KIAA0232: variants seen among roughly 807,000 people sequenced by gnomAD.
KIAA0232 encodes the protein KIAA0232, also known as uncharacterized protein KIAA0232.
Under a neutral mutation model 122.0 loss-of-function variants are expected in KIAA0232, and 27 were observed. The observed-to-expected ratio is 0.22, with a 90% confidence interval of 0.16 to 0.31. The LOEUF (loss-of-function observed/expected upper bound fraction) is 0.31. Ranked by LOEUF, KIAA0232 falls within the 10% of genes least tolerant of loss-of-function variation. The pLI is 1.00. For missense variants in KIAA0232, 1,551 were observed against 1,634.2 expected (o/e 0.95, Z 0.88); for synonymous variants, 613 against 587.6 (o/e 1.04, Z -0.63).
chr4:6,851,819 T>C (rs1440781763), intron 4 of KIAA0232, among the ~76,000 whole-genome samples: 1 of 151,704 alleles, frequency 6.6e-6, no homozygotes, highest in South Asian at 2.1e-4. Context: ...CAAGTTGAAG[T>C]ATTTTCCTCT....
intron 4 of KIAA0232, among the ~76,000 whole-genome samples, chr4:6,850,774 G>A (rs1017707960): frequency 8.0e-4 from 121 of 151,844 alleles, no homozygotes; most frequent in African/African-American, 2.7e-3. Flanking sequence ...GGGTTCAAGC[G>A]ATTCTCTGCC....
At chr4:6,794,574 G>A (rs747574947) in intron 1 of KIAA0232, among the ~76,000 whole-genome samples, 6 of 152,216 alleles carry the variant, frequency 3.9e-5, no homozygotes, top group African/African-American at 4.8e-5. Flanking sequence ...GTGTTGCATC[G>A]TATGTGGTGG....
At chr4:6,843,998 G>T (rs1278270151) in intron 4 of KIAA0232, among the ~76,000 whole-genome samples, 2 of 133,094 alleles carry the variant, frequency 1.5e-5, no homozygotes, top group Non-Finnish European at 3.1e-5. Context: ...GAAGTGCAGT[G>T]GCGCCATCTC....
chr4:6,815,255 C>G (rs1486855665), intron 2 of KIAA0232, among the ~76,000 whole-genome samples: 10 of 152,120 alleles, frequency 6.6e-5, no homozygotes, highest in African/African-American at 1.9e-4. Flanking sequence ...TTGTCAAAAC[C>G]AGCACTGACC....
intron 6 of KIAA0232, among the ~76,000 whole-genome samples, chr4:6,860,510 G>A (rs1228621988): frequency 2.0e-5 from 3 of 152,204 alleles, no homozygotes; most frequent in Admixed American, 2.0e-4. Context: ...AGTAAATAAT[G>A]AGCTTAAAGT....
intron 8 of KIAA0232, among the ~76,000 whole-genome samples, chr4:6,874,554 C>T (rs1175864609): frequency 6.6e-6 from 1 of 152,126 alleles, no homozygotes; most frequent in Admixed American, 6.5e-5. Flanking sequence ...TTTCAAGACT[C>T]GAGTAATGTA....
chr4:6,817,321 A>T (rs58838274), intron 2 of KIAA0232, among the ~76,000 whole-genome samples: 19 of 152,222 alleles, frequency 1.2e-4, no homozygotes, highest in Non-Finnish European at 2.4e-4. Flanking sequence ...GGTTCAAGTG[A>T]TTCTTTCACC....
At chr4:6,836,334 T>G (rs1719267145) in intron 3 of KIAA0232, among the ~76,000 whole-genome samples, 1 of 151,382 alleles carries the variant, frequency 6.6e-6, no homozygotes, top group Admixed American at 6.6e-5. Context: ...GTTTTTTGTT[T>G]TGTTTTTTTT....
In KIAA0232 at chr4:6,862,813, T is replaced by G. The variant is rs777434220; in HGVS notation, c.2431T>G (p.Cys811Gly). 1 of 1,614,154 alleles carries G rather than the reference T, an allele frequency of 6.2e-7. No homozygotes were observed. The highest frequency in any genetic ancestry group is 1.1e-5 in the South Asian group (1 of 91,074). ...CAAAAATTTTGAAACTACACAAGTA[T>G]GTAATGAAAGTCCACATGGAGATGG... ...ENKNFETTQV[C>G]NESPHGDGYS... The change falls in exon 7 of 10, where the codon TGT (cysteine) becomes GGT (glycine). Residue 811 changes from cysteine (C) to glycine (G), a missense_variant. Coordinates refer to ENST00000307659, the MANE Select transcript of KIAA0232 (RefSeq NM_014743.3).
intron 1 of KIAA0232, among the ~76,000 whole-genome samples, chr4:6,800,043 CTTTTTTTTTTTTTTTTTTTTTT>C (rs752428517): frequency 1.2e-4 from 7 of 60,040 alleles, no homozygotes; most frequent in East Asian, 3.2e-4. Flanking sequence ...TTCTTTCTTT[CTTTTTTTTTTTTTTTTTTTTTT>C]TTTTTTTTTT....
intron 2 of KIAA0232, among the ~76,000 whole-genome samples, chr4:6,812,521 A>G (rs1717924469): frequency 6.6e-6 from 1 of 152,220 alleles, no homozygotes; most frequent in Non-Finnish European, 1.5e-5. Context: ...ATGCAAAGGA[A>G]AAAACACTAG....
rs1720893464 is a variant in KIAA0232 at position 6,861,961 on chromosome 4, A to G, written c.1579A>G (p.Met527Val). ...SMLDPGASETMQGESRILNMI... is the reference protein window; with the variant it reads ...SMLDPGASETVQGESRILNMI... ...GTTGGATCCTGGTGCCTCAGAAACA[A>G]TGCAAGGAGAAAGTCGGATTTTGAA... Residue 527 changes from methionine to valine, a missense_variant, in exon 7 of 10, where the codon ATG becomes GTG. Met to Val is a conservative substitution (Grantham distance 21). This residue lies in a region of KIAA0232 where 1,108 missense variants were observed against 1,154.8 expected (regional missense o/e 0.96). Transcript: ENST00000307659. 2 of 1,614,168 alleles carry G rather than the reference A, an allele frequency of 1.2e-6. No homozygotes were observed. The highest frequency in any genetic ancestry group is 2.2e-5 in the South Asian group (2 of 91,086).
chr4:6,851,777 A>T (rs544414290), intron 4 of KIAA0232, among the ~76,000 whole-genome samples: 23 of 151,546 alleles, frequency 1.5e-4, no homozygotes, highest in Non-Finnish European at 3.1e-4. Context: ...GTAAGGTGCT[A>T]TAATGAACTA....
In KIAA0232 at chr4:6,861,167, G is replaced by C; in HGVS notation, c.785G>C (p.Gly262Ala). The change falls in exon 7 of 10, where the codon GGC becomes GCC. Residue 262 changes from glycine (G) to alanine (A), a missense_variant. Gly to Ala is a moderately conservative substitution (Grantham distance 60). Coordinates refer to ENST00000307659, the MANE Select transcript of KIAA0232 (RefSeq NM_014743.3). ...GAGAAGGAAAACAAATTTAGTAATGGCACAATTGAAGAAAAGCCTGCTTTG... is the reference window on the plus strand; with the variant it reads ...GAGAAGGAAAACAAATTTAGTAATGCCACAATTGAAGAAAAGCCTGCTTTG... ...KNEKENKFSN[G>A]TIEEKPALYK... The C allele has an allele frequency of 1.2e-6, 2 of 1,614,128 alleles. No individual in the cohort carries two copies. The highest frequency in any genetic ancestry group is 1.7e-6 in the Non-Finnish European group (2 of 1,180,032).
At chr4:6,788,754 A>C (rs1208104574) in intron 1 of KIAA0232, among the ~76,000 whole-genome samples, 1 of 152,218 alleles carries the variant, frequency 6.6e-6, no homozygotes, top group Non-Finnish European at 1.5e-5. Context: ...ATAACTTTGT[A>C]TGAGAACTTA....
At chr4:6,785,443 C>T (rs1049779711) in intron 1 of KIAA0232, among the ~76,000 whole-genome samples, 1 of 152,088 alleles carries the variant, frequency 6.6e-6, no homozygotes, top group Non-Finnish European at 1.5e-5. Flanking sequence ...GAGCTAATTT[C>T]CTCATCTGTA....
intron 2 of KIAA0232, among the ~76,000 whole-genome samples, chr4:6,805,338 T>G (rs1277312151): frequency 1.3e-5 from 2 of 152,208 alleles, no homozygotes; most frequent in African/African-American, 4.8e-5. Flanking sequence ...AAATTTTATT[T>G]GGACTCTTTA....
At chr4:6,792,128 C>G (rs763817106) in intron 1 of KIAA0232, among the ~76,000 whole-genome samples, 16 of 152,190 alleles carry the variant, frequency 1.1e-4, no homozygotes, top group Non-Finnish European at 1.8e-4. Flanking sequence ...TTCTAAATTA[C>G]CCAGTCTTGG....
chr4:6,834,782 G>A (rs1024756424), intron 3 of KIAA0232, among the ~76,000 whole-genome samples: 1 of 152,128 alleles, frequency 6.6e-6, no homozygotes, highest in Non-Finnish European at 1.5e-5. Flanking sequence ...TCTTTTGATG[G>A]TACATATAGA....
Sources: allele counts gnomAD v4.1 joint callset (sites outside exome capture counted in the v4.1 genomes callset), GRCh38; gene constraint gnomAD v4.1.1; regional missense constraint gnomAD v4.1.1; transcripts MANE v1.5; gene names NCBI Gene and HGNC (gene_info 2026-07-23, HGNC 2026-07-21).